The following RIOX2 variants were observed in gnomAD, a reference collection of about 807,000 sequenced individuals.
RIOX2 encodes the protein ribosomal oxygenase 2.
RIOX2 carries 43 observed loss-of-function variants against 51.2 expected under a neutral mutation model. The ratio of observed to expected loss-of-function variants is 0.84; its 90% CI spans 0.66 to 1.08. The LOEUF is 1.08. Ranked by LOEUF, RIOX2 falls within the 50% of genes least tolerant of loss-of-function variation. The probability of loss-of-function intolerance (pLI) is 0.00; values close to 1 mark genes in which losing one functional copy is unlikely to be tolerated. For synonymous variants in RIOX2, 226 were observed against 218.5 expected, an observed-to-expected ratio of 1.03 and a Z score of -0.30; for missense variants, 566 against 561.7, an observed-to-expected ratio of 1.01 and a Z score of -0.08.
chr3:97,952,071 A>C, intron 5 of RIOX2: 1 of 840,232 alleles, frequency 1.2e-6, no homozygotes, highest in South Asian at 1.4e-5. Flanking sequence ...AAAACAACCA[A>C]ATCAACAACA....
intron 2 of RIOX2, 35 bp from the exon 3 acceptor site, chr3:97,961,743 G>A: frequency 1.3e-6 from 2 of 1,553,438 alleles, no homozygotes; most frequent in Non-Finnish European, 1.7e-6. Context: ...GGGTCGGCGT[G>A]GGGGAGTGAA....
At chr3:97,951,990 C>T (rs945787830) in intron 5 of RIOX2, among the ~76,000 whole-genome samples, 2 of 152,174 alleles carry the variant, frequency 1.3e-5, no homozygotes, top group African/African-American at 4.8e-5. Context: ...AAATAGTGCT[C>T]CTCTAAGAGT....
In RIOX2 at chr3:97,967,415, T is replaced by G. The variant is rs1394304152; in HGVS notation, c.179A>C (p.Glu60Ala). The G allele has an allele frequency of 6.2e-7, 1 of 1,614,056 alleles. No homozygotes were observed. The highest frequency in any genetic ancestry group is 1.7e-5 in the Admixed American group (1 of 60,014). Reference protein sequence around the residue: ...KTETFFKEFWEQKPLLIQRDD... With the variant: ...KTETFFKEFWAQKPLLIQRDD... ...TCTCTGAATGAGAAGGGGCTTCTGCTCCCAGAATTCCTTGAAAAAAGTCTC... is the reference window on the plus strand; with the variant it reads ...TCTCTGAATGAGAAGGGGCTTCTGCGCCCAGAATTCCTTGAAAAAAGTCTC... Residue 60 changes from glutamate (E) to alanine (A), a missense_variant, in exon 2 of 10, where the codon GAG becomes GCG. Glu to Ala is a moderately radical substitution (Grantham distance 107, BLOSUM62 -1). Coordinates refer to ENST00000394198, the MANE Select transcript of RIOX2 (RefSeq NM_153182.4).
At chr3:97,966,077 G>T (rs1330686377) in intron 2 of RIOX2, among the ~76,000 whole-genome samples, 1 of 152,164 alleles carries the variant, frequency 6.6e-6, no homozygotes, top group Middle Eastern at 3.2e-3. Context: ...AAATCTAAGA[G>T]CACTCATACC....
chr3:97,970,550 A>G (rs1335089059), intron 1 of RIOX2, among the ~76,000 whole-genome samples: 1 of 152,236 alleles, frequency 6.6e-6, no homozygotes, highest in Non-Finnish European at 1.5e-5. Flanking sequence ...AGTAAAACAC[A>G]TATCTTAGAA....
chr3:97,950,731 A>G (rs149342127), intron 6 of RIOX2, 55 bp downstream of exon 6: 13 of 1,430,198 alleles, frequency 9.1e-6, no homozygotes, highest in Non-Finnish European at 1.2e-5. Flanking sequence ...GTAGGACTTC[A>G]GCTGGCCTGG....
At position 97,948,795 on chromosome 3, in the gene RIOX2, G is replaced by A. The variant is rs909024112; in HGVS notation, c.1060+1049C>T. ...GTCTTTTCTAACACCGTTTTACTGA[G>A]ATGCCCTGCAGTTCTCAATGGTGTG... On this transcript the variant is annotated intron_variant, in intron 7 of 9. Coordinates refer to ENST00000394198, the MANE Select transcript of RIOX2 (RefSeq NM_153182.4). 4.6e-5 allele frequency among the ~76,000 whole-genome samples: 7 copies of A among 152,068 alleles called. No individual in the cohort carries two copies. In the East Asian group the frequency reaches 1.2e-3, roughly 25 times the overall value.
intron 8 of RIOX2, 74 bp from the exon 9 acceptor site, chr3:97,945,961 C>A: frequency 9.5e-7 from 1 of 1,053,882 alleles, no homozygotes; most frequent in South Asian, 1.4e-5. Context: ...GAAGGTTTTC[C>A]AATAGGTCAA....
chr3:97,965,590 A>G (rs1347042022), intron 2 of RIOX2, among the ~76,000 whole-genome samples: 1 of 152,176 alleles, frequency 6.6e-6, no homozygotes, highest in Non-Finnish European at 1.5e-5. Flanking sequence ...TTCCTGCTTT[A>G]ATAAACTCAG....
rs746923356 is a variant in RIOX2 at position 97,950,889 on chromosome 3, C to G, written c.786-1G>C. 1 of 1,607,686 alleles carries G rather than the reference C, an allele frequency of 6.2e-7. No homozygotes were observed. The highest frequency in any genetic ancestry group is 1.7e-5 in the Admixed American group (1 of 59,956). On this transcript the variant is annotated splice_acceptor_variant, in intron 5 of 9. Transcript: ENST00000394198. LOFTEE classifies it high-confidence loss of function. The stretch of plus-strand genomic sequence containing the variant: ...ATCCAAAAGGAAATCTCCCCATGAA[C>G]TAGGATATGCACCAAGGGGGAAAAA...
intron 4 of RIOX2, among the ~76,000 whole-genome samples, chr3:97,957,218 G>A (rs951582244): frequency 1.3e-5 from 2 of 152,150 alleles, no homozygotes; most frequent in African/African-American, 4.8e-5. Context: ...TCAAATGTGG[G>A]CCAGGCGCAG....
At chr3:97,950,697 A>G in intron 6 of RIOX2, 89 bp downstream of exon 6, 2 of 999,976 alleles carry the variant, frequency 2.0e-6, no homozygotes, top group South Asian at 2.6e-5. Flanking sequence ...CTCATGTTGG[A>G]AGAAGTATCC....
At chr3:97,945,395 A>G (rs2040331184) in intron 9 of RIOX2, 53 bp from the exon 10 acceptor site, 1 of 1,482,648 alleles carries the variant, frequency 6.7e-7, no homozygotes, top group Admixed American at 2.0e-5. Context: ...TATGTCATTG[A>G]AGTAGCATTT....
chr3:97,947,078 G>A (rs1559755198), intron 8 of RIOX2, among the ~76,000 whole-genome samples: 1 of 152,138 alleles, frequency 6.6e-6, no homozygotes. Flanking sequence ...GTCTGTGGCT[G>A]TCCAAGCAAG....
chr3:97,944,781 T>C lies in RIOX2; in HGVS notation c.*403A>G, dbSNP rs1311156981. On this transcript the variant is annotated 3_prime_UTR_variant, in exon 10 of 10. Coordinates refer to ENST00000394198, the MANE Select transcript of RIOX2 (RefSeq NM_153182.4). The stretch of plus-strand genomic sequence containing the variant: ...CACAAAGGTATGTATATTTTCATTA[T>C]AAAAAACCAGTTTAAAATTTTTTCT... 3.2e-5 allele frequency: 5 copies of C among 155,064 alleles called. No individual in the cohort carries two copies. The highest frequency in any genetic ancestry group is 6.5e-5 in the Admixed American group (1 of 15,452). 9.6% of individuals were successfully genotyped at this position (155,064 alleles called of 1,614,324 possible). A position where few individuals can be genotyped will look rare whatever the true frequency, so the allele number is the denominator to read the frequency against.
intron 2 of RIOX2, among the ~76,000 whole-genome samples, chr3:97,966,401 G>A (rs1217741261): frequency 1.3e-5 from 2 of 152,150 alleles, no homozygotes; most frequent in African/African-American, 2.4e-5. Flanking sequence ...CCTATTCTGG[G>A]CCATCTGTCA....
At chr3:97,955,130 C>A (rs1012430320) in intron 4 of RIOX2, among the ~76,000 whole-genome samples, 4 of 152,114 alleles carry the variant, frequency 2.6e-5, no homozygotes, top group Non-Finnish European at 5.9e-5. Context: ...TGTATCTTAC[C>A]ATCTTGTCTT....
intron 9 of RIOX2, 127 bp from the exon 10 acceptor site, chr3:97,945,469 C>T: frequency 1.2e-6 from 1 of 807,264 alleles, no homozygotes; most frequent in Non-Finnish European, 1.9e-6. Context: ...TTTAGACACA[C>T]TACAATTAGA....
chr3:97,955,153 C>A (rs1705404186), intron 4 of RIOX2, among the ~76,000 whole-genome samples: 1 of 152,084 alleles, frequency 6.6e-6, no homozygotes, highest in African/African-American at 2.4e-5. Flanking sequence ...CCAGAGCCTA[C>A]CCTAGCAAAG....
Sources: gnomAD v4.1 joint callset for allele counts (sites outside exome capture counted in the v4.1 genomes callset) on GRCh38, gnomAD v4.1.1 for gene constraint, MANE v1.5 for transcripts, NCBI Gene and HGNC (gene_info 2026-07-23, HGNC 2026-07-21) for gene names.